MAP4K4: variants seen among roughly 807,000 people sequenced by gnomAD.
MAP4K4 encodes the protein mitogen-activated protein kinase kinase kinase kinase 4.
MAP4K4 carries 38 observed loss-of-function variants against 189.6 expected under a neutral mutation model. The observed-to-expected ratio is 0.20, with a 90% CI of 0.15 to 0.26. MAP4K4 has a LOEUF of 0.26. Among genes scored for constraint, MAP4K4 ranks in the 10% least tolerant of loss-of-function variants. The pLI, the probability that MAP4K4 is intolerant of heterozygous loss-of-function variation, is 1.00. For missense variants in MAP4K4, 1,054 were observed against 1,726.9 expected, an observed-to-expected ratio of 0.61 and a Z score of 6.91; for synonymous variants, 610 against 624.3, an observed-to-expected ratio of 0.98 and a Z score of 0.34.
chr2:101,873,542 A>G, intron 24 of MAP4K4, 105 bp from the exon 25 acceptor site: 1 of 657,606 alleles, frequency 1.5e-6, no homozygotes, highest in Admixed American at 2.4e-5. Flanking sequence ...AAATAGAGCA[A>G]AGTATTGGGA....
intron 9 of MAP4K4, among the ~76,000 whole-genome samples, chr2:101,836,603 C>T (rs11693773): frequency 0.14 from 21,189 of 151,600 alleles, 1,608 homozygotes; most frequent in South Asian, 0.2. Context: ...AAAAAAAGAA[C>T]GAAAGAAAGC....
intron 3 of MAP4K4, among the ~76,000 whole-genome samples, chr2:101,819,777 T>A (rs545420448): frequency 1.3e-5 from 2 of 152,336 alleles, no homozygotes; most frequent in East Asian, 3.9e-4. Context: ...ATATTTTAGT[T>A]GTTCTTCTAA....
intron 2 of MAP4K4, among the ~76,000 whole-genome samples, chr2:101,711,279 A>T (rs767186488): frequency 1.1e-4 from 17 of 152,174 alleles, no homozygotes; most frequent in Non-Finnish European, 1.8e-4. Flanking sequence ...CCGGTTATAT[A>T]ACAAAATAAT....
intron 29 of MAP4K4, among the ~76,000 whole-genome samples, chr2:101,886,107 T>C (rs966006814): frequency 1.9e-4 from 29 of 152,324 alleles, no homozygotes; most frequent in African/African-American, 7.0e-4. Flanking sequence ...AAAAATAATA[T>C]TCACTTAAAA....
intron 2 of MAP4K4, among the ~76,000 whole-genome samples, chr2:101,702,263 T>G (rs2039273568): frequency 6.6e-6 from 1 of 152,178 alleles, no homozygotes; most frequent in Non-Finnish European, 1.5e-5. Flanking sequence ...GTGTTCCAAA[T>G]GTCTTGAATA....
chr2:101,813,876 G>T (rs2095571771), intron 3 of MAP4K4, among the ~76,000 whole-genome samples: 1 of 152,176 alleles, frequency 6.6e-6, no homozygotes. Flanking sequence ...TCAGATCTTG[G>T]TCAAGTGTAG....
chr2:101,792,629 T>TCCTCCTCCTCC (rs1558948672), intron 3 of MAP4K4, among the ~76,000 whole-genome samples: 3 of 148,224 alleles, frequency 2.0e-5, no homozygotes, highest in Admixed American at 6.7e-5. Context: ...CTCCTCCTCC[T>TCCTCCTCCTCC]TCTTCTTTCT....
At chr2:101,839,066 G>A (rs1188618909) in intron 9 of MAP4K4, among the ~76,000 whole-genome samples, 1 of 152,208 alleles carries the variant, frequency 6.6e-6, no homozygotes, top group Non-Finnish European at 1.5e-5. Context: ...ACATAGGACA[G>A]AGTGTTGCCA....
chr2:101,701,656 G>A (rs1243923511), intron 2 of MAP4K4, among the ~76,000 whole-genome samples: 1 of 152,130 alleles, frequency 6.6e-6, no homozygotes, highest in East Asian at 1.9e-4. Context: ...AAAACGGGGT[G>A]TATTCTGTTT....
chr2:101,873,119 A>C (rs2098100557), intron 24 of MAP4K4, among the ~76,000 whole-genome samples: 1 of 152,174 alleles, frequency 6.6e-6, no homozygotes, highest in South Asian at 2.1e-4. Flanking sequence ...ATGAGTCCTC[A>C]TTTGGTATGG....
At chr2:101,708,306 CCAGAACAATAACAATACCAA>C (rs1422852882) in intron 2 of MAP4K4, among the ~76,000 whole-genome samples, 1 of 151,848 alleles carries the variant, frequency 6.6e-6, no homozygotes, top group Admixed American at 6.6e-5. Flanking sequence ...TTCTTTTCAT[CCAGAACAATAACAATACCAA>C]CAGAACAATA....
At chr2:101,865,563 C>A (rs956679157) in intron 18 of MAP4K4, among the ~76,000 whole-genome samples, 3 of 152,162 alleles carry the variant, frequency 2.0e-5, no homozygotes, top group Admixed American at 1.3e-4. Context: ...AAATGAAATA[C>A]AGTGGAAACT....
At chr2:101,759,028 G>A (rs1445582314) in intron 2 of MAP4K4, among the ~76,000 whole-genome samples, 1 of 151,876 alleles carries the variant, frequency 6.6e-6, no homozygotes, top group African/African-American at 2.4e-5. Context: ...AGCTACTCGG[G>A]AGGCTGAGGC....
chr2:101,849,963 C>T (rs540430725), intron 12 of MAP4K4, among the ~76,000 whole-genome samples: 10 of 152,216 alleles, frequency 6.6e-5, no homozygotes, highest in African/African-American at 2.4e-4. Flanking sequence ...GTAATTTGAA[C>T]AGTACTGATA....
At chr2:101,766,527 T>A (rs1405362345) in intron 2 of MAP4K4, among the ~76,000 whole-genome samples, 1 of 152,202 alleles carries the variant, frequency 6.6e-6, no homozygotes, top group African/African-American at 2.4e-5. Flanking sequence ...TTCATGTGAT[T>A]TGTATTGGTT....
intron 2 of MAP4K4, among the ~76,000 whole-genome samples, chr2:101,786,287 A>T (rs1349832811): frequency 6.6e-6 from 1 of 152,048 alleles, no homozygotes; most frequent in Non-Finnish European, 1.5e-5. Flanking sequence ...TTCTAGTGTG[A>T]TGGTTTTTCG....
chr2:101,793,622 G>A (rs981985519), intron 3 of MAP4K4, among the ~76,000 whole-genome samples: 7 of 150,152 alleles, frequency 4.7e-5, no homozygotes, highest in Non-Finnish European at 8.8e-5. Context: ...GAGCAAAAAG[G>A]TGCAAATACT....
chr2:101,730,647 A>T (rs2058026861), intron 2 of MAP4K4, among the ~76,000 whole-genome samples: 1 of 152,212 alleles, frequency 6.6e-6, no homozygotes, highest in South Asian at 2.1e-4. Context: ...TCCAGAGCAC[A>T]TTCACATGGC....
At chr2:101,822,240 C>A (rs2096106381) in intron 3 of MAP4K4, among the ~76,000 whole-genome samples, 1 of 152,168 alleles carries the variant, frequency 6.6e-6, no homozygotes, top group Non-Finnish European at 1.5e-5. Context: ...TTTTATACAG[C>A]TGGCTGTGCG....
Sources: gnomAD v4.1 joint callset for allele counts (sites outside exome capture counted in the v4.1 genomes callset) on GRCh38, gnomAD v4.1.1 for gene constraint, MANE v1.5 for transcripts, NCBI Gene and HGNC (gene_info 2026-07-23, HGNC 2026-07-21) for gene names.